GNAL: variants seen among roughly 807,000 people sequenced by gnomAD.
The protein encoded by GNAL is G protein subunit alpha L, also known as guanine nucleotide-binding protein G(olf) subunit alpha.
A neutral mutation model predicts 55.1 loss-of-function variants in GNAL; 18 were observed. The ratio of observed to expected loss-of-function variants is 0.33; its 90% CI spans 0.23 to 0.48. The LOEUF (loss-of-function observed/expected upper bound fraction) is 0.48. GNAL is among the 20% of genes least tolerant of loss of function. The pLI, the probability that GNAL is intolerant of heterozygous loss-of-function variation, is 0.99. For synonymous variants in GNAL, 253 were observed against 237.0 expected (o/e 1.07, Z -0.62); for missense variants, 412 against 614.1 (o/e 0.67, Z 3.48).
At chr18:11,741,442 A>C (rs73944252) in intron 1 of GNAL, among the ~76,000 whole-genome samples, 10,156 of 152,290 alleles carry the variant, frequency 0.067, 542 homozygotes, top group African/African-American at 0.15. Flanking sequence ...TTTTTTATGC[A>C]CTTGTAGAAT....
chr18:11,715,504 A>G (rs2031942992), intron 1 of GNAL, among the ~76,000 whole-genome samples: 1 of 151,628 alleles, frequency 6.6e-6, no homozygotes. Context: ...GAGCACAGGG[A>G]TTGCTAAGCG....
chr18:11,883,960 G>A lies in GNAL; in HGVS notation c.*2825G>A, dbSNP rs540758987. The A allele has an allele frequency of 1.5e-3, 228 of 152,958 alleles. No homozygotes were observed. The highest frequency in any genetic ancestry group is 2.6e-3 in the Non-Finnish European group (175 of 68,556). 9.5% of individuals were successfully genotyped at this position (152,958 alleles called of 1,614,324 possible). ...CCCGCCTCAGCCTCCCAAAGTGCTG[G>A]GATTACAGGTGTGAGCCACTGTGCC... On this transcript the variant is annotated 3_prime_UTR_variant, in exon 12 of 12. Coordinates refer to ENST00000334049, the MANE Select transcript of GNAL (RefSeq NM_182978.4).
chr18:11,836,608 C>T (rs2035503709), intron 5 of GNAL, among the ~76,000 whole-genome samples: 2 of 152,164 alleles, frequency 1.3e-5, no homozygotes, highest in South Asian at 4.1e-4. Context: ...CTCACACTAA[C>T]CCAATGAGTT....
chr18:11,872,423 T>C (rs1268840905), intron 10 of GNAL, 25 bp downstream of exon 10: 13 of 1,447,062 alleles, frequency 9.0e-6, no homozygotes, highest in Non-Finnish European at 1.2e-5. Context: ...CACATTCTTA[T>C]GATTGAGGAA....
At chr18:11,796,064 T>C (rs1033284073) in intron 4 of GNAL, among the ~76,000 whole-genome samples, 2 of 152,186 alleles carry the variant, frequency 1.3e-5, no homozygotes, top group African/African-American at 2.4e-5. Context: ...GAGAATGCTA[T>C]GGCACTGGAG....
At chr18:11,841,829 A>C (rs1598420993) in intron 5 of GNAL, among the ~76,000 whole-genome samples, 1 of 152,192 alleles carries the variant, frequency 6.6e-6, no homozygotes, top group East Asian at 1.9e-4. Flanking sequence ...TCAGGTTTGC[A>C]TAGGGAATTA....
chr18:11,700,305 C>A (rs2031535390), intron 1 of GNAL, among the ~76,000 whole-genome samples: 1 of 152,206 alleles, frequency 6.6e-6, no homozygotes, highest in East Asian at 1.9e-4. Context: ...TTTCCAACTG[C>A]AGTTCTGGGG....
chr18:11,817,990 C>T (rs889705832), intron 4 of GNAL, among the ~76,000 whole-genome samples: 5 of 150,618 alleles, frequency 3.3e-5, no homozygotes, highest in African/African-American at 1.2e-4. Flanking sequence ...AATCCCAGCA[C>T]TTTGGGAGGC....
chr18:11,842,363 A>G (rs995392411), intron 5 of GNAL, among the ~76,000 whole-genome samples: 12 of 152,092 alleles, frequency 7.9e-5, no homozygotes, highest in African/African-American at 2.9e-4. Flanking sequence ...GTGGAAAACT[A>G]TTTTTCCATG....
Position 11,884,197 on chromosome 18 carries a change from C to A in GNAL, c.*3062C>A. On this transcript the variant is annotated 3_prime_UTR_variant, in exon 12 of 12. Coordinates refer to ENST00000334049, the MANE Select transcript of GNAL (RefSeq NM_182978.4). ...GCATTTACATACTGTACAGATGCAA[C>A]CTTTGATGATACATATATTTGATAA... 1 of 471,236 alleles carries A rather than the reference C, an allele frequency of 2.1e-6. No individual in the cohort carries two copies. The highest frequency in any genetic ancestry group is 3.9e-6 in the Non-Finnish European group (1 of 258,542). 29.2% of individuals were successfully genotyped at this position (471,236 alleles called of 1,614,324 possible).
chr18:11,852,326 G>T (rs1309311588), intron 5 of GNAL: 2 of 563,234 alleles, frequency 3.6e-6, no homozygotes, highest in South Asian at 2.8e-5. Context: ...TCGTAATGAT[G>T]GTATTTTTAT....
chr18:11,815,569 T>C (rs375260399), intron 4 of GNAL, among the ~76,000 whole-genome samples: 2 of 152,160 alleles, frequency 1.3e-5, no homozygotes, highest in East Asian at 3.9e-4. Flanking sequence ...TCTGCCTCCA[T>C]GATCCAGTCA....
chr18:11,701,587 A>T (rs1207291608), intron 1 of GNAL, among the ~76,000 whole-genome samples: 2 of 151,560 alleles, frequency 1.3e-5, no homozygotes, highest in African/African-American at 4.8e-5. Flanking sequence ...AAAAAGCATA[A>T]TGCTGTTATT....
At chr18:11,831,960 A>G (rs1181854828) in intron 5 of GNAL, among the ~76,000 whole-genome samples, 1 of 152,222 alleles carries the variant, frequency 6.6e-6, no homozygotes, top group Non-Finnish European at 1.5e-5. Flanking sequence ...TTTTCTGTAA[A>G]AGTGAGTGTC....
At chr18:11,690,197 G>A (rs930373642) in intron 1 of GNAL, among the ~76,000 whole-genome samples, 5 of 152,268 alleles carry the variant, frequency 3.3e-5, no homozygotes, top group Non-Finnish European at 7.4e-5. Flanking sequence ...TGAGCTTACT[G>A]CCGCTCGCTC....
intron 4 of GNAL, among the ~76,000 whole-genome samples, chr18:11,765,371 T>C (rs1360714855): frequency 6.6e-6 from 1 of 152,238 alleles, no homozygotes; most frequent in East Asian, 1.9e-4. Flanking sequence ...ATTAGAGTAA[T>C]TGGAATATCC....
chr18:11,793,757 C>A (rs551495825), intron 4 of GNAL, among the ~76,000 whole-genome samples: 1 of 151,658 alleles, frequency 6.6e-6, no homozygotes, highest in South Asian at 2.1e-4. Flanking sequence ...AACTGTGCCT[C>A]TACTAAAAAT....
chr18:11,754,701 G>A (rs377284884), intron 4 of GNAL, among the ~76,000 whole-genome samples: 1 of 152,170 alleles, frequency 6.6e-6, no homozygotes, highest in Non-Finnish European at 1.5e-5. Flanking sequence ...GATCAATTGA[G>A]AAAAGAATGC....
In GNAL at chr18:11,689,706, C is replaced by A; in HGVS notation, c.143C>A (p.Thr48Lys). ...CCAGTCCGGGCGGCCGCAAGGGACA[C>A]GGCCCGGACCCTGCTCCCTCGGGGC... The part of the protein sequence containing the change: ...LAPVRAAARD[T>K]ARTLLPRGGE... The change falls in exon 1 of 12, where the codon ACG (threonine) becomes AAG (lysine). Residue 48 changes from threonine to lysine, a missense_variant. Thr to Lys is a moderately conservative substitution (Grantham distance 78). Around this residue, in one of 5 missense-constraint regions of GNAL, gnomAD observed 228 missense variants for 194.8 expected, o/e 1.17. Coordinates refer to ENST00000334049, the MANE Select transcript of GNAL (RefSeq NM_182978.4). 1 of 1,485,766 alleles carries A rather than the reference C, an allele frequency of 6.7e-7. No homozygotes were observed. The highest frequency in any genetic ancestry group is 8.9e-7 in the Non-Finnish European group (1 of 1,123,662). The allele number at this position is 1,485,766 out of a possible 1,614,324, so 92.0% of individuals were successfully genotyped here.
Sources: allele counts gnomAD v4.1 joint callset (sites outside exome capture counted in the v4.1 genomes callset), GRCh38; gene constraint gnomAD v4.1.1; regional missense constraint gnomAD v4.1.1; transcripts MANE v1.5; gene names NCBI Gene and HGNC (gene_info 2026-07-23, HGNC 2026-07-21).